The following TTBK1 variants were observed in gnomAD, a reference collection of about 807,000 sequenced individuals.
TTBK1 encodes the protein tau tubulin kinase 1.
In TTBK1, 34 loss-of-function variants were observed where a neutral mutation model predicts 108.5. That is an observed-to-expected ratio of 0.31 (90% CI 0.24 to 0.42). TTBK1 has a LOEUF of 0.42. TTBK1 is among the 10% of genes least tolerant of loss of function. TTBK1 has a pLI of 1.00. For missense variants in TTBK1, 1,539 were observed against 1,826.0 expected, an observed-to-expected ratio of 0.84 and a Z score of 2.86; for synonymous variants, 809 against 795.1, an observed-to-expected ratio of 1.02 and a Z score of -0.29.
chr6:43,246,151 T>G (rs555840911), intron 1 of TTBK1, among the ~76,000 whole-genome samples: 1 of 152,216 alleles, frequency 6.6e-6, no homozygotes, highest in African/African-American at 2.4e-5. Context: ...GGGTGTCCCA[T>G]GGGTCACCCC....
intron 13 of TTBK1, among the ~76,000 whole-genome samples, chr6:43,278,218 A>G (rs1358492701): frequency 1.3e-5 from 2 of 152,284 alleles, no homozygotes; most frequent in East Asian, 3.9e-4. Context: ...GTGGCAATTG[A>G]AGATCAGAGT....
chr6:43,255,159 C>A, intron 7 of TTBK1, 45 bp downstream of exon 7: 5 of 848,934 alleles, frequency 5.9e-6, no homozygotes, highest in African/African-American at 2.1e-5. Context: ...GTGGGAGGGG[C>A]AAGGTCGGGG....
Position 43,273,388 on chromosome 6 carries a change from G to T in TTBK1, c.1987-9339G>T, listed in dbSNP as rs79433922. Among the ~76,000 whole-genome samples, 161 of 152,272 alleles carry T rather than the reference G, an allele frequency of 1.1e-3. No individual in the cohort carries two copies. The East Asian group carries it at 0.018, about 17-fold the overall frequency. ...ATGGGAGTCACTCCAGAGTACTGGG[G>T]TTGGTTAAAATGGCTGGACCCTGTC... is the stretch of plus-strand genomic sequence containing the variant. On this transcript the variant is annotated intron_variant, in intron 13 of 14. Transcript: ENST00000259750. This position sits in a 1 kb window ranked among gnomAD's most constrained non-coding sequence, Gnocchi z 4.2.
rs751009229 is a variant in TTBK1 at position 43,263,135 on chromosome 6, C to T, written c.1771C>T (p.Pro591Ser). 5.4e-5 allele frequency: 85 copies of T among 1,566,664 alleles called. No individual in the cohort carries two copies. Among genetic ancestry groups the T allele is most frequent in the Non-Finnish European group, 7.3e-5 (84 of 1,154,860 alleles). ...GEERRRLGAEPTVRPRGRSMQ... is the reference protein window; with the variant it reads ...GEERRRLGAESTVRPRGRSMQ... ...AGAGCGGCGGCGGCTGGGGGCAGAG[C>T]CCACCGTCCGGCCCCGGGGACGCAG... The change falls in exon 13 of 15, where the codon CCC becomes TCC. Residue 591 changes from proline (P) to serine (S), a missense_variant. Transcript: ENST00000259750. The surrounding 1 kb of genome is among the most constrained non-coding windows in gnomAD (Gnocchi z 4.7).
chr6:43,283,002 G>A lies in TTBK1; in HGVS notation c.2262G>A (p.Glu754=), dbSNP rs1408530975. The change falls in exon 14 of 15, where the codon GAG becomes GAA. Residue 754 remains glutamate, a synonymous_variant. Transcript: ENST00000259750. The surrounding 1 kb of genome is among the most constrained non-coding windows in gnomAD (Gnocchi z 8.1). ...EEEEDEEEEE[E]EEEEEEEEEE... is the part of the protein sequence containing the mutation. ...AAGAGGATGAGGAAGAAGAAGAGGA[G>A]GAAGAGGAAGAGGAGGAGGAAGAAG... 4 of 1,595,896 alleles carry A rather than the reference G, an allele frequency of 2.5e-6. No homozygotes were observed. In the Admixed American group the frequency reaches 7.0e-5, roughly 28 times the overall value.
Position 43,276,471 on chromosome 6 carries a change from G to A in TTBK1, c.1987-6256G>A, listed in dbSNP as rs1161647963. On this transcript the variant is annotated intron_variant, in intron 13 of 14. Coordinates refer to ENST00000259750, the MANE Select transcript of TTBK1 (RefSeq NM_032538.3). This position sits in a 1 kb window ranked among gnomAD's most constrained non-coding sequence, Gnocchi z 5.4. ...ACTTGAAACCGACACGCACACGCGC[G>A]GCGCCGCCACGGGGGTGGGACACGG... 1.3e-5 allele frequency among the ~76,000 whole-genome samples: 2 copies of A among 152,102 alleles called. No homozygotes were observed. Among genetic ancestry groups the A allele is most frequent in the Admixed American group, 1.3e-4 (2 of 15,280 alleles).
chr6:43,254,447 T>C, intron 5 of TTBK1, 100 bp from the exon 6 acceptor site: 2 of 783,998 alleles, frequency 2.6e-6, no homozygotes, highest in Non-Finnish European at 4.0e-6. Context: ...AATGTGGGGC[T>C]GAAAGCCCTT....
Position 43,263,225 on chromosome 6 carries a change from A to C in TTBK1, c.1861A>C (p.Ser621Arg). 1.3e-6 allele frequency: 2 copies of C among 1,576,198 alleles called. No homozygotes were observed. Among genetic ancestry groups the C allele is most frequent in the Non-Finnish European group, 1.7e-6 (2 of 1,160,612 alleles). ...GCCCCAGCCCCTGCCACCCCAGCTGAGCCAGGGCGATGGCCGTTCCGAGAC... is the reference window on the plus strand; with the variant it reads ...GCCCCAGCCCCTGCCACCCCAGCTGCGCCAGGGCGATGGCCGTTCCGAGAC... Reference protein sequence around the residue: ...LPPQPLPPQLSQGDGRSETSQ... With the variant: ...LPPQPLPPQLRQGDGRSETSQ... The change falls in exon 13 of 15, where the codon AGC becomes CGC. Residue 621 changes from serine (S) to arginine (R), a missense_variant. Transcript: ENST00000259750. The surrounding 1 kb of genome is among the most constrained non-coding windows in gnomAD (Gnocchi z 4.7).
In TTBK1 at chr6:43,283,983, G is replaced by C; in HGVS notation, c.3243G>C (p.Lys1081Asn). The C allele has an allele frequency of 2.5e-6, 4 of 1,608,278 alleles. No individual in the cohort carries two copies. The highest frequency in any genetic ancestry group is 3.4e-6 in the Non-Finnish European group (4 of 1,177,298). Residue 1081 changes from lysine to asparagine, a missense_variant, in exon 14 of 15, where the codon AAG (lysine) becomes AAC (asparagine). Around this residue, in one of 5 missense-constraint regions of TTBK1, gnomAD observed 1,055 missense variants for 1,086.5 expected, o/e 0.97. Coordinates refer to ENST00000259750, the MANE Select transcript of TTBK1 (RefSeq NM_032538.3). This position sits in a 1 kb window ranked among gnomAD's most constrained non-coding sequence, Gnocchi z 8.1. The stretch of plus-strand genomic sequence containing the variant: ...TGTCGGCCAAAGAGCGGTGGAGCAA[G>C]CGGGCTCGGCCGCAGCAGGACCTGG... ...GSLSAKERWS[K>N]RARPQQDLAR...
chr6:43,248,703 A>T (rs1404592107), intron 2 of TTBK1, among the ~76,000 whole-genome samples: 1 of 152,182 alleles, frequency 6.6e-6, no homozygotes, highest in Non-Finnish European at 1.5e-5. Flanking sequence ...AGCCTGGGCG[A>T]CAGAGCAAGA....
intron 2 of TTBK1, 82 bp from the exon 3 acceptor site, chr6:43,252,657 G>A: frequency 1.3e-6 from 2 of 1,494,422 alleles, no homozygotes; most frequent in South Asian, 1.2e-5. Context: ...CCCCACCAAT[G>A]AAGGATGCAA....
chr6:43,250,872 T>C (rs567932576), intron 2 of TTBK1, among the ~76,000 whole-genome samples: 52 of 152,292 alleles, frequency 3.4e-4, no homozygotes, highest in African/African-American at 1.2e-3. Context: ...AAGCAAACCT[T>C]AAAGGAATCT....
chr6:43,257,748 C>A lies in TTBK1; in HGVS notation c.862-64C>A. ...CTTCCTCCTATGATCCCAGCAACTG[C>A]CCCTTCCTCCTGGCTAGCCCCCGGA... On this transcript the variant is annotated intron_variant, in intron 9 of 14. Coordinates refer to ENST00000259750, the MANE Select transcript of TTBK1 (RefSeq NM_032538.3). This position sits in a 1 kb window ranked among gnomAD's most constrained non-coding sequence, Gnocchi z 4.5. The A allele has an allele frequency of 6.5e-7, 1 of 1,540,274 alleles. No individual in the cohort carries two copies. Among genetic ancestry groups the A allele is most frequent in the East Asian group, 2.3e-5 (1 of 43,024 alleles).
chr6:43,271,636 G>A, intron 13 of TTBK1: 1 of 985,284 alleles, frequency 1.0e-6, no homozygotes, highest in African/African-American at 1.7e-5. Context: ...TAAGTGTGGT[G>A]GGCAGTGCCC....
At position 43,255,606 on chromosome 6, in the gene TTBK1, G is replaced by T; in HGVS notation, c.697G>T (p.Ala233Ser). ...WSLFYMLVEF[A>S]VGQLPWRKIK... ...CCTCTTCTACATGCTGGTGGAGTTTGCAGTGGGCCAGCTGCCCTGGAGGAA... is the reference window on the plus strand; with the variant it reads ...CCTCTTCTACATGCTGGTGGAGTTTTCAGTGGGCCAGCTGCCCTGGAGGAA... Residue 233 changes from alanine to serine, a missense_variant, in exon 8 of 15, where the codon GCA (alanine) becomes TCA (serine). Physicochemically the swap from Ala to Ser is moderately conservative, Grantham distance 99. Transcript: ENST00000259750. The T allele has an allele frequency of 1.2e-6, 2 of 1,613,982 alleles. No individual in the cohort carries two copies. Among genetic ancestry groups the T allele is most frequent in the East Asian group, 2.2e-5 (1 of 44,878 alleles).
chr6:43,284,957 T>C, intron 14 of TTBK1, 26 bp from the exon 15 acceptor site: 1 of 1,501,178 alleles, frequency 6.7e-7, no homozygotes. Context: ...CCCTCTTCTT[T>C]TCTCCTGCCT....
intron 1 of TTBK1, among the ~76,000 whole-genome samples, chr6:43,246,007 A>G (rs1777076560): frequency 6.6e-6 from 1 of 152,106 alleles, no homozygotes. Context: ...GGTTCAGCTC[A>G]CCCTGAGAAA....
intron 13 of TTBK1, chr6:43,270,839 T>C: frequency 1.0e-6 from 1 of 985,478 alleles, no homozygotes; most frequent in African/African-American, 1.7e-5. Context: ...ACCATGTGCT[T>C]GTCAGCAAAA....
intron 7 of TTBK1, 45 bp from the exon 8 acceptor site, chr6:43,255,507 G>A: frequency 6.5e-7 from 1 of 1,532,248 alleles, no homozygotes; most frequent in Non-Finnish European, 8.9e-7. Flanking sequence ...CCATTCCCAG[G>A]GAAGGACCTG....
Sources: allele counts gnomAD v4.1 joint callset (sites outside exome capture counted in the v4.1 genomes callset), GRCh38; gene constraint gnomAD v4.1.1; regional missense constraint gnomAD v4.1.1; non-coding constraint Gnocchi (gnomAD v3.1); transcripts MANE v1.5; gene names NCBI Gene and HGNC (gene_info 2026-07-23, HGNC 2026-07-21).